The following ANO2 variants were observed in gnomAD, a reference collection of about 807,000 sequenced individuals.
The protein encoded by ANO2 is anoctamin 2.
ANO2 carries 101 observed loss-of-function variants against 124.2 expected under a neutral mutation model. The observed-to-expected ratio is 0.81, with a 90% CI of 0.69 to 0.96. The LOEUF is 0.96. Among genes scored for constraint, ANO2 ranks in the 40% least tolerant of loss-of-function variants. ANO2 has a pLI of 0.00. For missense variants in ANO2, 1,293 were observed against 1,274.5 expected, an observed-to-expected ratio of 1.01 and a Z score of -0.22; for synonymous variants, 486 against 482.5, an observed-to-expected ratio of 1.01 and a Z score of -0.09.
chr12:5,572,869 G>A (rs1309646941), intron 23 of ANO2, among the ~76,000 whole-genome samples: 5 of 152,066 alleles, frequency 3.3e-5, no homozygotes, highest in East Asian at 3.9e-4. Context: ...TTTCTAAAAC[G>A]GGCCACAAAC....
At chr12:5,792,490 A>G (rs546495273) in intron 10 of ANO2, among the ~76,000 whole-genome samples, 36 of 152,216 alleles carry the variant, frequency 2.4e-4, no homozygotes, top group Non-Finnish European at 3.8e-4. Flanking sequence ...AGGTTTTACC[A>G]TGATTCAGTA....
intron 16 of ANO2, among the ~76,000 whole-genome samples, chr12:5,627,822 C>T (rs1945494245): frequency 6.6e-6 from 1 of 152,046 alleles, no homozygotes; most frequent in Admixed American, 6.6e-5. Flanking sequence ...GCCAGGCACG[C>T]TGGCTCACAC....
intron 10 of ANO2, among the ~76,000 whole-genome samples, chr12:5,752,381 GT>G (rs1951465355): frequency 6.6e-6 from 1 of 152,124 alleles, no homozygotes; most frequent in African/African-American, 2.4e-5. Context: ...TTTATCTTTT[GT>G]TGTTGGACAA....
chr12:5,596,785 G>T (rs1185210624), intron 20 of ANO2, among the ~76,000 whole-genome samples: 2 of 152,142 alleles, frequency 1.3e-5, no homozygotes, highest in African/African-American at 4.8e-5. Flanking sequence ...AGACCATTAA[G>T]AGGAATAACA....
At position 5,807,350 on chromosome 12, in the gene ANO2, G is replaced by T. The variant is rs766849165; in HGVS notation, c.911C>A (p.Ala304Glu). 6.4e-7 allele frequency: 1 copy of T among 1,557,018 alleles called. No individual in the cohort carries two copies. Among genetic ancestry groups the T allele is most frequent in the South Asian group, 1.2e-5 (1 of 84,046 alleles). Residue 304 changes from alanine (A) to glutamate (E), a missense_variant, in exon 8 of 25, where the codon GCA (alanine) becomes GAA (glutamate). Physicochemically the swap from Ala to Glu is moderately radical, Grantham distance 107. Coordinates refer to ENST00000682330, the MANE Select transcript of ANO2 (RefSeq NM_001364791.2). ...GTAGGCAGCCTCATAGATATTGTTT[G>T]CGATCAGAGAGTTAATACCTACGGA... is the stretch of plus-strand genomic sequence containing the variant. ...NNTMGINSLI[A>E]NNIYEAAYPL... is the part of the protein sequence containing the mutation.
chr12:5,828,230 G>T (rs931136885), intron 6 of ANO2, among the ~76,000 whole-genome samples: 1 of 152,094 alleles, frequency 6.6e-6, no homozygotes. Context: ...AGGGAAGGCG[G>T]GGTTCTGTCT....
chr12:5,690,061 G>T (rs1948866780), intron 14 of ANO2, among the ~76,000 whole-genome samples: 2 of 152,084 alleles, frequency 1.3e-5, no homozygotes, highest in Admixed American at 1.3e-4. Context: ...GCACAGCAGG[G>T]CAAAGTCAAT....
intron 3 of ANO2, among the ~76,000 whole-genome samples, chr12:5,894,220 T>G (rs145867262): frequency 1.5e-3 from 223 of 152,378 alleles, no homozygotes; most frequent in African/African-American, 4.3e-3. Flanking sequence ...GGTTTTCATT[T>G]GCATTTCTCT....
Position 5,577,954 on chromosome 12 carries a change from C to T in ANO2, c.2439+1G>A, listed in dbSNP as rs562684300. 1.6e-5 allele frequency: 26 copies of T among 1,613,246 alleles called. No individual in the cohort carries two copies. The highest frequency in any genetic ancestry group is 8.8e-5 in the South Asian group (8 of 91,014). On this transcript the variant is annotated splice_donor_variant, in intron 22 of 24. Coordinates refer to ENST00000682330, the MANE Select transcript of ANO2 (RefSeq NM_001364791.2). LOFTEE classifies it high-confidence loss of function. Reference sequence around the variant, plus strand: ...AGTGTGTCATGAATGCAAGTACTTACGTTGCTGATAACAGAGAACTTGCCA... The same window carrying T: ...AGTGTGTCATGAATGCAAGTACTTATGTTGCTGATAACAGAGAACTTGCCA...
At chr12:5,777,998 T>C (rs1263501961) in intron 10 of ANO2, among the ~76,000 whole-genome samples, 2 of 152,160 alleles carry the variant, frequency 1.3e-5, no homozygotes, top group Non-Finnish European at 2.9e-5. Flanking sequence ...CCTCTGGAAA[T>C]GGAACAGAAC....
At chr12:5,930,088 A>G (rs12580329) in intron 1 of ANO2, among the ~76,000 whole-genome samples, 64 of 47,110 alleles carry the variant, frequency 1.4e-3, no homozygotes, top group Middle Eastern at 9.3e-3. Context: ...TCACTCGTCT[A>G]CCTTCTTTCC....
At chr12:5,726,100 G>A (rs1330508593) in intron 14 of ANO2, among the ~76,000 whole-genome samples, 2 of 150,302 alleles carry the variant, frequency 1.3e-5, no homozygotes, top group African/African-American at 4.9e-5. Context: ...ACGTGTCCGG[G>A]ATACAGCAGT....
rs1191499573 is a variant in ANO2 at position 5,862,510 on chromosome 12, C to G, written c.535-8369G>C. Among the ~76,000 whole-genome samples the G allele has an allele frequency of 6.6e-6, 1 of 152,168 alleles. No individual in the cohort carries two copies. Among genetic ancestry groups the G allele is most frequent in the Non-Finnish European group, 1.5e-5 (1 of 68,028 alleles). On this transcript the variant is annotated intron_variant, in intron 3 of 24. Transcript: ENST00000682330. This position sits in a 1 kb window ranked among gnomAD's most constrained non-coding sequence, Gnocchi z 4.0. ...ACTCCGTGTATCACACATCATTGCA[C>G]TCCAACCAGAGGCAGCCCAGGAACA...
chr12:5,755,563 A>C (rs969329277), intron 10 of ANO2, among the ~76,000 whole-genome samples: 2 of 149,726 alleles, frequency 1.3e-5, no homozygotes, highest in African/African-American at 4.9e-5. Flanking sequence ...CCCTCTCCCC[A>C]CCCCACAACA....
chr12:5,856,487 A>C (rs1444255472), intron 3 of ANO2: 1 of 152,198 alleles, frequency 6.6e-6, no homozygotes, highest in Admixed American at 6.5e-5. Context: ...TCCAGCATTA[A>C]GACCACATCT....
chr12:5,732,731 T>C (rs1301803557), intron 13 of ANO2, 101 bp from the exon 14 acceptor site: 11 of 1,509,538 alleles, frequency 7.3e-6, no homozygotes, highest in Non-Finnish European at 1.0e-5. Context: ...GCGTTTAGGA[T>C]TGGATGCTAT....
intron 4 of ANO2, among the ~76,000 whole-genome samples, chr12:5,845,211 A>C (rs1278700270): frequency 6.6e-6 from 1 of 151,046 alleles, no homozygotes; most frequent in Non-Finnish European, 1.5e-5. Context: ...GTTGCAATAA[A>C]CCGTGACTGT....
intron 20 of ANO2, among the ~76,000 whole-genome samples, chr12:5,584,899 C>G (rs1256416559): frequency 1.3e-5 from 2 of 152,132 alleles, no homozygotes; most frequent in East Asian, 1.9e-4. Context: ...ATTCATTCAG[C>G]AAGCATTTAC....
chr12:5,783,103 C>T (rs1952449318), intron 10 of ANO2, among the ~76,000 whole-genome samples: 1 of 152,230 alleles, frequency 6.6e-6, no homozygotes, highest in African/African-American at 2.4e-5. Flanking sequence ...TTTGGCAACA[C>T]ACTGAGAGCT....
Sources: allele counts gnomAD v4.1 joint callset (sites outside exome capture counted in the v4.1 genomes callset), GRCh38; gene constraint gnomAD v4.1.1; non-coding constraint Gnocchi (gnomAD v3.1); transcripts MANE v1.5; gene names NCBI Gene and HGNC (gene_info 2026-07-23, HGNC 2026-07-21).